RCC1: variants seen among roughly 807,000 people sequenced by gnomAD.
RCC1 encodes regulator of chromosome condensation 1.
A neutral mutation model predicts 44.4 loss-of-function variants in RCC1; 11 were observed. The ratio of observed to expected loss-of-function variants is 0.25; its 90% CI spans 0.16 to 0.41. RCC1 has a LOEUF of 0.41. Ranked by LOEUF, RCC1 falls within the 10% of genes least tolerant of loss-of-function variation. RCC1 has a pLI of 1.00. For synonymous variants in RCC1, 213 were observed against 216.5 expected (o/e 0.98, Z 0.14); for missense variants, 386 against 547.1 (o/e 0.71, Z 2.94).
At chr1:28,526,624 G>A (rs750098814) in intron 4 of RCC1, 11 of 501,690 alleles carry the variant, frequency 2.2e-5, no homozygotes, top group South Asian at 1.0e-4. Flanking sequence ...GGCTGGGCGC[G>A]GTGGCTCACA....
intron 4 of RCC1, among the ~76,000 whole-genome samples, chr1:28,517,708 G>A (rs574457259): frequency 2.0e-4 from 31 of 152,086 alleles, no homozygotes; most frequent in Admixed American, 5.9e-4. Context: ...CACTCCCACA[G>A]GCACCCTCTA....
chr1:28,506,877 T>A (rs1016245527), intron 1 of RCC1: 10 of 158,542 alleles, frequency 6.3e-5, no homozygotes, highest in African/African-American at 2.4e-4. Context: ...TATTTTTGTA[T>A]TTTTAGTAGA....
rs1233534900 is a variant in RCC1, at chr1:28,536,413, G to A, written c.937+32G>A. On this transcript the variant is annotated intron_variant, in intron 11 of 12. Coordinates refer to ENST00000683442, the MANE Select transcript of RCC1 (RefSeq NM_001381865.2). The surrounding 1 kb of genome is among the most constrained non-coding windows in gnomAD (Gnocchi z 4.9). ...CCTTTACGTCCTTCTCTAGTTTGGG[G>A]GTGGAGTGTTCCCTGGCCTAGGCCT... 7 of 1,606,604 alleles carry A rather than the reference G, an allele frequency of 4.4e-6. No homozygotes were observed. In the South Asian group the frequency reaches 7.8e-5, roughly 18 times the overall value.
At chr1:28,523,261 C>T (rs1245472793) in intron 4 of RCC1, among the ~76,000 whole-genome samples, 1 of 151,910 alleles carries the variant, frequency 6.6e-6, no homozygotes, top group African/African-American at 2.4e-5. Flanking sequence ...CCTCATGATC[C>T]GCCCGCCTCG....
chr1:28,515,037 G>C (rs1041288318), intron 3 of RCC1, among the ~76,000 whole-genome samples: 2 of 152,128 alleles, frequency 1.3e-5, no homozygotes, highest in African/African-American at 4.8e-5. Flanking sequence ...CAACACTTTG[G>C]GATGCCAAGG....
chr1:28,517,519 A>G (rs1370642039), intron 4 of RCC1, among the ~76,000 whole-genome samples: 1 of 152,204 alleles, frequency 6.6e-6, no homozygotes. Context: ...GTTCACACGC[A>G]TATGAGATGT....
At chr1:28,511,976 C>CTTTTT (rs36018995) in intron 3 of RCC1, among the ~76,000 whole-genome samples, 1 of 99,496 alleles carries the variant, frequency 1.0e-5, no homozygotes, top group Non-Finnish European at 1.9e-5. Flanking sequence ...AAGCCTGATC[C>CTTTTT]TTTTTTTTTT....
chr1:28,506,926 G>T (rs41270835), intron 1 of RCC1: 16,387 of 164,838 alleles, frequency 0.099, 1,982 homozygotes, highest in African/African-American at 0.3. Context: ...GGTCTCCAAC[G>T]CCTGACCTTG....
chr1:28,512,652 G>A (rs1662635410), intron 3 of RCC1, among the ~76,000 whole-genome samples: 1 of 152,020 alleles, frequency 6.6e-6, no homozygotes, highest in African/African-American at 2.4e-5. Flanking sequence ...ATTTCCTCCA[G>A]ATACTGTTAA....
intron 7 of RCC1, among the ~76,000 whole-genome samples, chr1:28,534,027 G>A (rs561704727): frequency 1.7e-4 from 25 of 150,686 alleles, no homozygotes; most frequent in African/African-American, 4.1e-4. Flanking sequence ...ACAGGCATGC[G>A]CCACCACACC....
intron 3 of RCC1, among the ~76,000 whole-genome samples, chr1:28,511,044 C>T (rs907465422): frequency 1.3e-5 from 2 of 152,174 alleles, no homozygotes; most frequent in Non-Finnish European, 2.9e-5. Context: ...TGCTAAACTT[C>T]AGCTTGCAAT....
At chr1:28,531,747 C>A in intron 5 of RCC1, 56 bp from the exon 6 acceptor site, 1 of 1,418,258 alleles carries the variant, frequency 7.1e-7, no homozygotes, top group Non-Finnish European at 9.4e-7. Flanking sequence ...GAGCCTGTGA[C>A]CTCTCCTCGC....
intron 12 of RCC1, among the ~76,000 whole-genome samples, chr1:28,537,496 G>A (rs1664626689): frequency 6.6e-6 from 1 of 152,180 alleles, no homozygotes; most frequent in South Asian, 2.1e-4. Flanking sequence ...TCCATTCCTT[G>A]TGAAAAGCAA....
At position 28,508,842 on chromosome 1, in the gene RCC1, T is replaced by A; in HGVS notation, c.-216T>A. The A allele has an allele frequency of 1.9e-6, 1 of 517,800 alleles. No homozygotes were observed. The highest frequency in any genetic ancestry group is 3.9e-6 in the Non-Finnish European group (1 of 259,430). The allele number at this position is 517,800 out of a possible 1,614,324, so 32.1% of individuals were successfully genotyped here. A position where few individuals can be genotyped will look rare whatever the true frequency, so the allele number is the denominator to read the frequency against. The stretch of plus-strand genomic sequence containing the variant: ...TCTTTTCTTTTAGGAGAGAAGACGA[T>A]CTGCACTTCGCATTTTGGCATTGAC... On this transcript the variant is annotated 5_prime_UTR_variant, in exon 3 of 13. Coordinates refer to ENST00000683442, the MANE Select transcript of RCC1 (RefSeq NM_001381865.2).
At chr1:28,527,551 CAATCAATT>C (rs1244118869) in intron 4 of RCC1, among the ~76,000 whole-genome samples, 13 of 150,704 alleles carry the variant, frequency 8.6e-5, no homozygotes, top group Middle Eastern at 3.4e-3. Context: ...TAAAAAAAAT[CAATCAATT>C]AAATAAGAAA....
In RCC1 at chr1:28,533,845, C is replaced by CTTTTTTTTTTTTTT. The variant is rs1168443435; in HGVS notation, c.442-1168_442-1155dup. ...ATATTTTTTTCTTTTCTTTTCTTTT[C>CTTTTTTTTTTTTTT]TTTTTTTTTTTTTTTTTTTTTTTTT... On this transcript the variant is annotated intron_variant, in intron 7 of 12. Transcript: ENST00000683442. 7.7e-4 allele frequency among the ~76,000 whole-genome samples: 36 copies of CTTTTTTTTTTTTTT among 46,872 alleles called. 7 individuals carry two copies. Among genetic ancestry groups the CTTTTTTTTTTTTTT allele is most frequent in the East Asian group, 1.1e-3 (1 of 872 alleles). The allele number at this position is 46,872 out of a possible 152,430, so 30.7% of individuals were successfully genotyped here. A position where few individuals can be genotyped will look rare whatever the true frequency, so the allele number is the denominator to read the frequency against.
chr1:28,529,037 A>ATT (rs779736390), intron 4 of RCC1, among the ~76,000 whole-genome samples: 3 of 101,904 alleles, frequency 2.9e-5, no homozygotes, highest in Non-Finnish European at 2.1e-5. Flanking sequence ...TAATTTTTGT[A>ATT]TTTTTTTTTT....
Position 28,526,290 on chromosome 1 carries a change from AAAAC to A in RCC1, c.-9-3548_-9-3545del, listed in dbSNP as rs368368026. 6.5e-3 allele frequency: 1,649 copies of A among 253,082 alleles called. 21 individuals are homozygous for A. The highest frequency in any genetic ancestry group is 0.032 in the African/African-American group (1,419 of 44,358). 15.7% of individuals were successfully genotyped at this position (253,082 alleles called of 1,614,324 possible). ...ACAGAGAGTGAGATGCTGTCTCAAA[AAAAC>A]AAACAAACAAACAAACAAAAACAAG... On this transcript the variant is annotated intron_variant, in intron 4 of 12. Transcript: ENST00000683442.
At chr1:28,508,547 C>CTAA (rs1308085893) in intron 2 of RCC1, 1 of 516,910 alleles carries the variant, frequency 1.9e-6, no homozygotes, top group African/African-American at 1.9e-5. Flanking sequence ...CAATTCCTCA[C>CTAA]TAATGAGCAT....
Sources: allele counts gnomAD v4.1 joint callset (sites outside exome capture counted in the v4.1 genomes callset), GRCh38; gene constraint gnomAD v4.1.1; non-coding constraint Gnocchi (gnomAD v3.1); transcripts MANE v1.5; gene names NCBI Gene and HGNC (gene_info 2026-07-23, HGNC 2026-07-21).